ZNF559: variants seen among roughly 807,000 people sequenced by gnomAD.
ZNF559 encodes the protein putative protein product of Nbla00121.
ZNF559 carries 17 observed loss-of-function variants against 14.2 expected under a neutral mutation model. The observed-to-expected ratio is 1.20, with a 90% CI of 0.82 to 1.80. The LOEUF (loss-of-function observed/expected upper bound fraction) is 1.80. Ranked by LOEUF, ZNF559 falls within the 40% of genes most tolerant of loss-of-function variation. The pLI, the probability that ZNF559 is intolerant of heterozygous loss-of-function variation, is 0.00. For synonymous variants in ZNF559, 244 were observed against 212.4 expected (o/e 1.15, Z -1.29); for missense variants, 740 against 629.7 (o/e 1.18, Z -1.88).
chr19:9,329,105 A>T (rs946282145), intron 2 of ZNF559, among the ~76,000 whole-genome samples: 1 of 152,140 alleles, frequency 6.6e-6, no homozygotes, highest in Admixed American at 6.5e-5. Flanking sequence ...GAAGTTTTAA[A>T]CTTTTCTTTA....
intron 1 of ZNF559, 133 bp downstream of exon 1, chr19:9,324,361 G>C: frequency 6.6e-7 from 1 of 1,507,076 alleles, no homozygotes; most frequent in Admixed American, 2.0e-5. Flanking sequence ...AGCATCTTGT[G>C]GGCTCTCCCA....
chr19:9,341,276 C>A, intron 6 of ZNF559, 92 bp downstream of exon 6: 1 of 1,244,654 alleles, frequency 8.0e-7, no homozygotes, highest in Non-Finnish European at 1.2e-6. Flanking sequence ...AACCTTGAGA[C>A]ATTTGAGACT....
At chr19:9,338,460 C>T (rs2067361012) in intron 3 of ZNF559, 34 bp from the exon 4 acceptor site, 3 of 1,546,028 alleles carry the variant, frequency 1.9e-6, no homozygotes, top group African/African-American at 1.4e-5. Context: ...CTATCAGCAG[C>T]CTGGATTCTC....
intron 2 of ZNF559, among the ~76,000 whole-genome samples, chr19:9,334,594 G>A (rs374128444): frequency 6.6e-6 from 1 of 152,296 alleles, no homozygotes; most frequent in African/African-American, 2.4e-5. Flanking sequence ...GAGGGGCAAT[G>A]ATTTAGATGT....
rs1188422558 is a variant in ZNF559 at position 9,345,092 on chromosome 19, T to C, written c.*2024T>C. ...GACGACTTTATATTATGTACAGTTT[T>C]TATATAAATGGAATCATATAGTCTG... is the stretch of plus-strand genomic sequence containing the variant. On this transcript the variant is annotated 3_prime_UTR_variant, in exon 7 of 7. Coordinates refer to ENST00000603380, the MANE Select transcript of ZNF559 (RefSeq NM_032497.3). The C allele has an allele frequency of 6.6e-6, 1 of 152,248 alleles. No individual in the cohort carries two copies. The highest frequency in any genetic ancestry group is 1.5e-5 in the Non-Finnish European group (1 of 68,042). 9.4% of individuals were successfully genotyped at this position (152,248 alleles called of 1,614,324 possible). A position where few individuals can be genotyped will look rare whatever the true frequency, so the allele number is the denominator to read the frequency against.
At position 9,339,421 on chromosome 19, in the gene ZNF559, A is replaced by G. The variant is rs570736735; in HGVS notation, c.160+102A>G. The G allele has an allele frequency of 2.9e-5, 39 of 1,328,124 alleles. No homozygotes were observed. The African/African-American group carries it at 5.0e-4, about 17-fold the overall frequency. The allele number at this position is 1,328,124 out of a possible 1,614,324, so 82.3% of individuals were successfully genotyped here. Reference sequence around the variant, plus strand: ...GCTTGTTAATGGGCTGCATTGGTAAACAGGCGAAACATTGTTTCCATCTCA... The same window carrying G: ...GCTTGTTAATGGGCTGCATTGGTAAGCAGGCGAAACATTGTTTCCATCTCA... On this transcript the variant is annotated intron_variant, in intron 5 of 6. Coordinates refer to ENST00000603380, the MANE Select transcript of ZNF559 (RefSeq NM_032497.3).
Position 9,324,491 on chromosome 19 carries a change from C to T in ZNF559, c.-205-204C>T, listed in dbSNP as rs1456084896. The T allele has an allele frequency of 7.2e-6, 10 of 1,389,956 alleles. No homozygotes were observed. In the Admixed American group the frequency reaches 1.1e-4, roughly 16 times the overall value. 86.1% of individuals were successfully genotyped at this position (1,389,956 alleles called of 1,614,324 possible). On this transcript the variant is annotated intron_variant, in intron 1 of 6. Transcript: ENST00000603380. The stretch of plus-strand genomic sequence containing the variant: ...ACGGCCTTTCCATTTTCCCTGCTCC[C>T]CTCTGCAGAAGCCTCATAGGGCCCG...
chr19:9,324,553 G>A, intron 1 of ZNF559, 142 bp from the exon 2 acceptor site: 1 of 1,204,810 alleles, frequency 8.3e-7, no homozygotes, highest in Non-Finnish European at 1.1e-6. Flanking sequence ...CAGCGCTTTG[G>A]GCGGATTGGG....
upstream of ZNF559, chr19:9,324,019 C>A: frequency 2.6e-6 from 2 of 770,356 alleles, no homozygotes; most frequent in Non-Finnish European, 4.1e-6. Context: ...CAGTCAAGAC[C>A]CCCTACCGGT....
intron 2 of ZNF559, among the ~76,000 whole-genome samples, chr19:9,334,055 G>A (rs1054096484): frequency 4.6e-5 from 7 of 152,174 alleles, no homozygotes. Flanking sequence ...GTAGAAATAT[G>A]TTTTGAAAAA....
chr19:9,339,432 A>G lies in ZNF559; in HGVS notation c.160+113A>G, dbSNP rs553391639. On this transcript the variant is annotated intron_variant, in intron 5 of 6. Coordinates refer to ENST00000603380, the MANE Select transcript of ZNF559 (RefSeq NM_032497.3). ...GGCTGCATTGGTAAACAGGCGAAAC[A>G]TTGTTTCCATCTCATAGACCTTACT... 1.9e-5 allele frequency: 24 copies of G among 1,243,684 alleles called. No individual in the cohort carries two copies. The East Asian group carries it at 4.7e-4, about 24-fold the overall frequency. 77.0% of individuals were successfully genotyped at this position (1,243,684 alleles called of 1,614,324 possible). A position where few individuals can be genotyped will look rare whatever the true frequency, so the allele number is the denominator to read the frequency against.
At chr19:9,325,107 G>C (rs1364532268) in intron 2 of ZNF559, among the ~76,000 whole-genome samples, 2 of 152,272 alleles carry the variant, frequency 1.3e-5, no homozygotes, top group African/African-American at 4.8e-5. Flanking sequence ...TGAATGCGAA[G>C]ATAACTTTTG....
At chr19:9,328,724 A>AG (rs1202195106) in intron 2 of ZNF559, among the ~76,000 whole-genome samples, 1 of 152,146 alleles carries the variant, frequency 6.6e-6, no homozygotes, top group Non-Finnish European at 1.5e-5. Context: ...GGCTGTATAA[A>AG]GGGGTCATCA....
chr19:9,340,027 C>T (rs1047228391), intron 5 of ZNF559, among the ~76,000 whole-genome samples: 1 of 146,876 alleles, frequency 6.8e-6, no homozygotes. Flanking sequence ...ACCTTGTGAT[C>T]CGCCCACCTC....
Position 9,341,680 on chromosome 19 carries a change from A to C in ZNF559, c.244-15A>C. Reference sequence around the variant, plus strand: ...TGGAAAACTTCTATGAACCATCATTAATTTTCACCAACAGGAGAGAAACCA... The same window carrying C: ...TGGAAAACTTCTATGAACCATCATTCATTTTCACCAACAGGAGAGAAACCA... On this transcript the variant is annotated splice_polypyrimidine_tract_variant and intron_variant, in intron 6 of 6. Transcript: ENST00000603380. 1 of 1,599,264 alleles carries C rather than the reference A, an allele frequency of 6.3e-7. No homozygotes were observed. Among genetic ancestry groups the C allele is most frequent in the Non-Finnish European group, 8.5e-7 (1 of 1,175,930 alleles).
intron 2 of ZNF559, among the ~76,000 whole-genome samples, chr19:9,335,712 T>G (rs190807328): frequency 5.1e-4 from 77 of 152,214 alleles, no homozygotes; most frequent in African/African-American, 1.8e-3. Flanking sequence ...TTTTTGTGGT[T>G]TTTGTAGAGA....
intron 2 of ZNF559, among the ~76,000 whole-genome samples, chr19:9,326,709 G>A (rs2066626724): frequency 6.6e-6 from 1 of 152,188 alleles, no homozygotes; most frequent in Admixed American, 6.5e-5. Context: ...TGAAATTAGT[G>A]ACTAATGTAG....
Position 9,343,271 on chromosome 19 carries a change from C to T in ZNF559, c.*203C>T, listed in dbSNP as rs779172126. On this transcript the variant is annotated 3_prime_UTR_variant, in exon 7 of 7. Transcript: ENST00000603380. ...GGAAAATCTTGGCTCCTTCCATAGG[C>T]CTTACTATTCATGTGTCTGTGCATC... is the stretch of plus-strand genomic sequence containing the variant. 5 of 1,385,630 alleles carry T rather than the reference C, an allele frequency of 3.6e-6. No homozygotes were observed. Among genetic ancestry groups the T allele is most frequent in the Non-Finnish European group, 4.7e-6 (5 of 1,070,560 alleles). 85.8% of individuals were successfully genotyped at this position (1,385,630 alleles called of 1,614,324 possible).
Position 9,341,879 on chromosome 19 carries a change from G to A in ZNF559, c.428G>A (p.Gly143Glu), listed in dbSNP as rs1027928028. Residue 143 changes from glycine (G) to glutamate (E), a missense_variant, in exon 7 of 7, where the codon GGA becomes GAA. Transcript: ENST00000603380. ...ACTTTACACAAGAAAACTGATATCGGAGAGGAACTTCCTAACTGTAATCAA... is the reference window on the plus strand; with the variant it reads ...ACTTTACACAAGAAAACTGATATCGAAGAGGAACTTCCTAACTGTAATCAA... Reference protein sequence around the residue: ...IFTLHKKTDIGEELPNCNQCE... With the variant: ...IFTLHKKTDIEEELPNCNQCE... 4 of 1,610,026 alleles carry A rather than the reference G, an allele frequency of 2.5e-6. No individual in the cohort carries two copies. The highest frequency in any genetic ancestry group is 1.7e-4 in the Middle Eastern group (1 of 6,024).
Sources: allele counts gnomAD v4.1 joint callset (sites outside exome capture counted in the v4.1 genomes callset), GRCh38; gene constraint gnomAD v4.1.1; transcripts MANE v1.5; gene names NCBI Gene and HGNC (gene_info 2026-07-23, HGNC 2026-07-21).